PCDHGB4: variants seen among roughly 807,000 people sequenced by gnomAD.
PCDHGB4 encodes the protein protocadherin gamma-B4.
A neutral mutation model predicts 60.5 loss-of-function variants in PCDHGB4; 38 were observed. The ratio of observed to expected loss-of-function variants is 0.63; its 90% CI spans 0.48 to 0.82. The LOEUF (loss-of-function observed/expected upper bound fraction) is 0.82. PCDHGB4 is among the 40% of genes least tolerant of loss of function. PCDHGB4 has a pLI of 0.00. For missense variants in PCDHGB4, 1,109 were observed against 1,209.6 expected, an observed-to-expected ratio of 0.92 and a Z score of 1.23; for synonymous variants, 456 against 509.7, an observed-to-expected ratio of 0.89 and a Z score of 1.42.
Position 141,490,835 on chromosome 5 carries a change from T to C in PCDHGB4, c.2398-3972T>C, listed in dbSNP as rs1284804400. 4 of 1,613,728 alleles carry C rather than the reference T, an allele frequency of 2.5e-6. No individual in the cohort carries two copies. The highest frequency in any genetic ancestry group is 1.1e-5 in the South Asian group (1 of 91,076). On this transcript the variant is annotated intron_variant, in intron 1 of 3. Transcript: ENST00000519479. This position sits in a 1 kb window ranked among gnomAD's most constrained non-coding sequence, Gnocchi z 5.4. ...TATGAATTGCTGCAGATGCTGCAGATTGTGGTGGGGGTTCGAGACTCCGGC... is the reference window on the plus strand; with the variant it reads ...TATGAATTGCTGCAGATGCTGCAGACTGTGGTGGGGGTTCGAGACTCCGGC...
At chr5:141,497,878 C>T (rs553853040) in intron 2 of PCDHGB4, among the ~76,000 whole-genome samples, 32 of 152,256 alleles carry the variant, frequency 2.1e-4, no homozygotes, top group Non-Finnish European at 3.5e-4. Flanking sequence ...GTGAAATAAG[C>T]GTTAGGATCT....
rs1160642304 is a variant in PCDHGB4 at position 141,415,415 on chromosome 5, T to C, written c.2397+25134T>C. 7 of 1,614,084 alleles carry C rather than the reference T, an allele frequency of 4.3e-6. No individual in the cohort carries two copies. In the Admixed American group the frequency reaches 8.3e-5, roughly 19 times the overall value. Reference sequence around the variant, plus strand: ...GTGTCCGGCTCGCACTTTGTGGGCGTGGACGGGGTTCGGGCTTTCCTGCAG... The same window carrying C: ...GTGTCCGGCTCGCACTTTGTGGGCGCGGACGGGGTTCGGGCTTTCCTGCAG... On this transcript the variant is annotated intron_variant, in intron 1 of 3. Coordinates refer to ENST00000519479, the MANE Select transcript of PCDHGB4 (RefSeq NM_003736.4).
At chr5:141,505,777 TCTG>T (rs77860300) in intron 3 of PCDHGB4, among the ~76,000 whole-genome samples, 6,508 of 152,280 alleles carry the variant, frequency 0.043, 161 homozygotes, top group Middle Eastern at 0.13. Context: ...AGGTCCTAGC[TCTG>T]CTACTATCCT....
chr5:141,492,359 C>A (rs1292383129), intron 1 of PCDHGB4, among the ~76,000 whole-genome samples: 3 of 152,336 alleles, frequency 2.0e-5, no homozygotes, highest in African/African-American at 7.2e-5. Flanking sequence ...GCCACTCGCT[C>A]GCGGCCAGAT....
intron 1 of PCDHGB4, chr5:141,404,701 G>C (rs563319884): frequency 1.2e-6 from 2 of 1,613,956 alleles, no homozygotes; most frequent in Non-Finnish European, 1.7e-6. Context: ...GCTCTGCAGA[G>C]CCTGGCTACC....
intron 1 of PCDHGB4, chr5:141,400,515 T>A: frequency 6.2e-7 from 1 of 1,613,988 alleles, no homozygotes. Flanking sequence ...CGACTTCCCA[T>A]CCTGAGTTGG....
chr5:141,449,756 T>C (rs2098654563), intron 1 of PCDHGB4, among the ~76,000 whole-genome samples: 1 of 151,728 alleles, frequency 6.6e-6, no homozygotes, highest in South Asian at 2.1e-4. Flanking sequence ...TTTATGACAT[T>C]TGAGAGTAAG....
Position 141,491,755 on chromosome 5 carries a change from G to T in PCDHGB4, c.2398-3052G>T, listed in dbSNP as rs1402188587. 3 of 1,582,078 alleles carry T rather than the reference G, an allele frequency of 1.9e-6. No individual in the cohort carries two copies. Among genetic ancestry groups the T allele is most frequent in the Non-Finnish European group, 2.6e-6 (3 of 1,165,458 alleles). On this transcript the variant is annotated intron_variant, in intron 1 of 3. Coordinates refer to ENST00000519479, the MANE Select transcript of PCDHGB4 (RefSeq NM_003736.4). This position sits in a 1 kb window ranked among gnomAD's most constrained non-coding sequence, Gnocchi z 6.9. ...CCCTGGGGGCGGCACTGGAGAAGCC[G>T]CCCGTCCTCATAAGGGATTGAACTT...
Position 141,431,461 on chromosome 5 carries a change from T to C in PCDHGB4, c.2397+41180T>C, listed in dbSNP as rs1477501293. 1 of 1,613,800 alleles carries C rather than the reference T, an allele frequency of 6.2e-7. No individual in the cohort carries two copies. Among genetic ancestry groups the C allele is most frequent in the Admixed American group, 1.7e-5 (1 of 60,032 alleles). ...CGCGCATCCGCGTGATGGTTCTGGA[T>C]GCGAACGACAACGCACCAGCGTTTG... On this transcript the variant is annotated intron_variant, in intron 1 of 3. Transcript: ENST00000519479. The surrounding 1 kb of genome is among the most constrained non-coding windows in gnomAD (Gnocchi z 4.8).
In PCDHGB4 at chr5:141,487,169, G is replaced by A. The variant is rs1259980100; in HGVS notation, c.2398-7638G>A. On this transcript the variant is annotated intron_variant, in intron 1 of 3. Coordinates refer to ENST00000519479, the MANE Select transcript of PCDHGB4 (RefSeq NM_003736.4). The surrounding 1 kb of genome is among the most constrained non-coding windows in gnomAD (Gnocchi z 5.0). ...CTCTGTTACTCTCTTAGTGTCCTTA[G>A]AGGAAGACACTCATCCAGTTGTCCC... 6.2e-7 allele frequency: 1 copy of A among 1,613,086 alleles called. No homozygotes were observed. Among genetic ancestry groups the A allele is most frequent in the South Asian group, 1.1e-5 (1 of 91,072 alleles).
chr5:141,404,195 G>A (rs1472875979), intron 1 of PCDHGB4: 1 of 1,613,400 alleles, frequency 6.2e-7, no homozygotes, highest in East Asian at 2.2e-5. Context: ...CCGAGAAAAA[G>A]CCTCAGAATA....
chr5:141,420,857 C>T (rs1342820721), intron 1 of PCDHGB4, among the ~76,000 whole-genome samples: 1 of 152,220 alleles, frequency 6.6e-6, no homozygotes, highest in Non-Finnish European at 1.5e-5. Context: ...AAAGTTTTAA[C>T]GTCACATAAT....
At chr5:141,421,993 A>G in intron 1 of PCDHGB4, 1 of 1,609,190 alleles carries the variant, frequency 6.2e-7, no homozygotes, top group South Asian at 1.1e-5. Flanking sequence ...TCCAGAAAAC[A>G]TCAGCTCCGG....
At position 141,423,386 on chromosome 5, in the gene PCDHGB4, G is replaced by C; in HGVS notation, c.2397+33105G>C. ...CTGCTGGCACTCAGGCTGTGGCGCT[G>C]GCATAAGTCACGCCTGCTGCAGGCT... On this transcript the variant is annotated intron_variant, in intron 1 of 3. Transcript: ENST00000519479. The C allele has an allele frequency of 1.9e-6, 3 of 1,614,160 alleles. No homozygotes were observed. The South Asian group carries it at 3.3e-5, about 18-fold the overall frequency.
chr5:141,413,322 G>A, intron 1 of PCDHGB4: 2 of 1,613,940 alleles, frequency 1.2e-6, no homozygotes, highest in Non-Finnish European at 1.7e-6. Flanking sequence ...GCTCTTTCGT[G>A]GGCAACATCT....
At chr5:141,462,786 T>G (rs1394476968) in intron 1 of PCDHGB4, among the ~76,000 whole-genome samples, 1 of 152,216 alleles carries the variant, frequency 6.6e-6, no homozygotes, top group Admixed American at 6.5e-5. Flanking sequence ...AATTTGTTGC[T>G]TATTTGCATG....
chr5:141,400,639 C>A, intron 1 of PCDHGB4: 1 of 1,310,186 alleles, frequency 7.6e-7, no homozygotes, highest in Non-Finnish European at 1.1e-6. Context: ...CAGAGCTGCT[C>A]AGAAAGCTGT....
chr5:141,418,938 C>A, intron 1 of PCDHGB4: 3 of 1,613,738 alleles, frequency 1.9e-6, no homozygotes, highest in Non-Finnish European at 2.5e-6. Flanking sequence ...ATGGAGGATT[C>A]CCCTCCAGGA....
intron 1 of PCDHGB4, among the ~76,000 whole-genome samples, chr5:141,470,068 G>A (rs1269966360): frequency 6.6e-6 from 1 of 152,240 alleles, no homozygotes; most frequent in East Asian, 1.9e-4. Flanking sequence ...GGCAGAGACT[G>A]TAGTGATCTG....
Sources: gnomAD v4.1 joint callset for allele counts (sites outside exome capture counted in the v4.1 genomes callset) on GRCh38, gnomAD v4.1.1 for gene constraint, Gnocchi (gnomAD v3.1) non-coding constraint, MANE v1.5 for transcripts, NCBI Gene and HGNC (gene_info 2026-07-23, HGNC 2026-07-21) for gene names.